Variants in CUX1 observed in about 807,000 individuals in gnomAD.
CUX1 encodes cut like homeobox 1.
CUX1 carries 31 observed loss-of-function variants against 158.8 expected under a neutral mutation model. The observed-to-expected ratio is 0.20, with a 90% CI of 0.15 to 0.26. The LOEUF is 0.26. Ranked by LOEUF, CUX1 falls within the 10% of genes least tolerant of loss-of-function variation. CUX1 has a pLI of 1.00. For synonymous variants in CUX1, 879 were observed against 862.1 expected, an observed-to-expected ratio of 1.02 and a Z score of -0.34; for missense variants, 1,589 against 2,014.6, an observed-to-expected ratio of 0.79 and a Z score of 4.04.
intron 4 of CUX1, among the ~76,000 whole-genome samples, chr7:102,084,040 C>T (rs1277206132): frequency 1.4e-4 from 21 of 145,822 alleles, no homozygotes; most frequent in African/African-American, 4.9e-4. Context: ...TGCCTGCCAC[C>T]ACACCCAGCT....
At chr7:101,836,809 G>C (rs1227548629) in intron 1 of CUX1, among the ~76,000 whole-genome samples, 1 of 152,092 alleles carries the variant, frequency 6.6e-6, no homozygotes, top group Non-Finnish European at 1.5e-5. Context: ...GCCTGTGGGA[G>C]AAGAGGCTGC....
chr7:101,960,869 T>C (rs538582520), intron 2 of CUX1: 2 of 152,320 alleles, frequency 1.3e-5, no homozygotes, highest in Admixed American at 1.3e-4. Flanking sequence ...ATGTTTCTGC[T>C]TTGCCAGTTC....
rs1801555726 is a variant in CUX1 at position 102,251,887 on chromosome 7, T to C, written c.*2845T>C. ...TCTGAGGAAATTGACAAATACAGAT[T>C]TGTCCATTCTAGTGGCCAAACAGTA... is the stretch of plus-strand genomic sequence containing the variant. On this transcript the variant is annotated 3_prime_UTR_variant, in exon 24 of 24. Transcript: ENST00000292535. The C allele has an allele frequency of 1.0e-6, 1 of 985,332 alleles. No individual in the cohort carries two copies. 61.0% of individuals were successfully genotyped at this position (985,332 alleles called of 1,614,324 possible). A position where few individuals can be genotyped will look rare whatever the true frequency, so the allele number is the denominator to read the frequency against.
At chr7:101,987,307 TC>T (rs1814441136) in intron 2 of CUX1, among the ~76,000 whole-genome samples, 2 of 152,234 alleles carry the variant, frequency 1.3e-5, no homozygotes, top group South Asian at 4.1e-4. Context: ...AATGTGGAAC[TC>T]CCCAAGCTAC....
chr7:102,242,714 C>T (rs930003547), intron 23 of CUX1, among the ~76,000 whole-genome samples: 3 of 152,182 alleles, frequency 2.0e-5, no homozygotes, highest in African/African-American at 7.2e-5. Flanking sequence ...ACGTTTGTTT[C>T]CCAAGTCCCC....
chr7:101,987,977 C>G (rs1814550227), intron 2 of CUX1, among the ~76,000 whole-genome samples: 1 of 152,040 alleles, frequency 6.6e-6, no homozygotes, highest in Non-Finnish European at 1.5e-5. Flanking sequence ...TTTGGGAGGC[C>G]GAGGCAGGTG....
rs76362857 is a variant in CUX1 at position 101,861,546 on chromosome 7, T to C, written c.30+43877T>C. Among the ~76,000 whole-genome samples, 967 of 141,698 alleles carry C rather than the reference T, an allele frequency of 6.8e-3. 10 individuals carry two copies. The highest frequency in any genetic ancestry group is 0.024 in the African/African-American group (930 of 38,922). The allele number at this position is 141,698 out of a possible 152,430, so 93.0% of individuals were successfully genotyped here. A position where few individuals can be genotyped will look rare whatever the true frequency, so the allele number is the denominator to read the frequency against. Reference sequence around the variant, plus strand: ...TTTTGGTGCTGGTTGGCCCCCTGGGTGCCCCTGTCTACTGAGGGTGGGACA... The same window carrying C: ...TTTTGGTGCTGGTTGGCCCCCTGGGCGCCCCTGTCTACTGAGGGTGGGACA... On this transcript the variant is annotated intron_variant, in intron 1 of 23. Coordinates refer to ENST00000292535, the MANE Select transcript of CUX1 (RefSeq NM_181552.4).
chr7:102,174,455 G>C (rs1554511240), intron 10 of CUX1, among the ~76,000 whole-genome samples: 1 of 152,100 alleles, frequency 6.6e-6, no homozygotes, highest in Non-Finnish European at 1.5e-5. Flanking sequence ...TCCTCTCTCT[G>C]ATTTCCTCTC....
At chr7:102,277,794 T>C (rs1472432341) in intron 17 of CUX1, among the ~76,000 whole-genome samples, 2 of 151,962 alleles carry the variant, frequency 1.3e-5, no homozygotes, top group Non-Finnish European at 2.9e-5. Context: ...CTTCTGCCTG[T>C]GGTGGGGCCA....
chr7:102,245,366 T>C (rs782495300), intron 23 of CUX1, among the ~76,000 whole-genome samples: 27 of 152,246 alleles, frequency 1.8e-4, no homozygotes, highest in Admixed American at 3.3e-4. Flanking sequence ...TTTATAGATA[T>C]ATCATCTTAT....
rs748527440 is a variant in CUX1 at position 102,005,150 on chromosome 7, CG to C, written c.142-22943del. On this transcript the variant is annotated intron_variant, in intron 2 of 23. Transcript: ENST00000292535. ...CTTCTACCCAGAAGTACCTGGGAGT[CG>C]GGGGTTTTGCTGTGTCACAGAGAAC... Among the ~76,000 whole-genome samples, 16 of 152,174 alleles carry C rather than the reference CG, an allele frequency of 1.1e-4. No homozygotes were observed. In the East Asian group the frequency reaches 2.9e-3, roughly 28 times the overall value.
chr7:102,241,801 C>T (rs945218315), intron 23 of CUX1, among the ~76,000 whole-genome samples: 10 of 152,326 alleles, frequency 6.6e-5, no homozygotes, highest in Admixed American at 1.3e-4. Context: ...AGCTACCTCC[C>T]GCAAGGACAA....
At chr7:102,140,994 A>G (rs558182406) in intron 8 of CUX1, among the ~76,000 whole-genome samples, 1 of 152,142 alleles carries the variant, frequency 6.6e-6, no homozygotes, top group East Asian at 1.9e-4. Flanking sequence ...CCTTTGTGGT[A>G]TTTTAGTGAT....
At chr7:102,188,701 T>C (rs1793910984) in intron 11 of CUX1, 1 of 150,492 alleles carries the variant, frequency 6.6e-6, no homozygotes, top group African/African-American at 2.5e-5. Flanking sequence ...TCTCAGCTAC[T>C]GGGGAGGCTA....
At chr7:102,091,523 C>T (rs1437187345) in intron 4 of CUX1, among the ~76,000 whole-genome samples, 1 of 151,618 alleles carries the variant, frequency 6.6e-6, no homozygotes, top group Non-Finnish European at 1.5e-5. Flanking sequence ...TTTGCTGAGA[C>T]GAGGTCTTGC....
At chr7:101,837,795 C>T (rs1794780828) in intron 1 of CUX1, among the ~76,000 whole-genome samples, 1 of 119,608 alleles carries the variant, frequency 8.4e-6, no homozygotes. Flanking sequence ...CGTGACACTG[C>T]ATTCCAGCCT....
intron 21 of CUX1, among the ~76,000 whole-genome samples, chr7:102,229,095 G>A (rs1037166232): frequency 3.9e-5 from 6 of 152,154 alleles, no homozygotes; most frequent in Admixed American, 1.3e-4. Context: ...GCTGCCTTGC[G>A]AAGCCATCTC....
At chr7:101,961,924 G>C (rs974188118) in intron 2 of CUX1, 1 of 151,522 alleles carries the variant, frequency 6.6e-6, no homozygotes, top group Non-Finnish European at 1.5e-5. Context: ...CATGGGTCAG[G>C]CTTAAGCAAA....
chr7:101,819,053 A>ATTC (rs1792193558), intron 1 of CUX1: 2 of 152,146 alleles, frequency 1.3e-5, no homozygotes, highest in African/African-American at 2.4e-5. Context: ...CTGGGTCTTG[A>ATTC]AGCTGCTGCC....
Sources: gnomAD v4.1 joint callset for allele counts (sites outside exome capture counted in the v4.1 genomes callset) on GRCh38, gnomAD v4.1.1 for gene constraint, MANE v1.5 for transcripts, NCBI Gene and HGNC (gene_info 2026-07-23, HGNC 2026-07-21) for gene names.